The following UNC13C variants were observed in gnomAD, a reference collection of about 807,000 sequenced individuals.
UNC13C encodes the protein unc-13 homolog C, also known as protein unc-13 homolog C.
A neutral mutation model predicts 245.4 loss-of-function variants in UNC13C; 174 were observed. The observed-to-expected ratio is 0.71, with a 90% CI of 0.63 to 0.80. The LOEUF is 0.80. Among genes scored for constraint, UNC13C ranks in the 30% least tolerant of loss-of-function variants. UNC13C has a pLI of 0.00. For missense variants in UNC13C, 2,829 were observed against 2,602.9 expected (o/e 1.09, Z -1.89); for synonymous variants, 992 against 895.1 (o/e 1.11, Z -1.93).
At chr15:54,574,873 T>C (rs980109427) in intron 30 of UNC13C, among the ~76,000 whole-genome samples, 2 of 152,118 alleles carry the variant, frequency 1.3e-5, no homozygotes, top group Non-Finnish European at 2.9e-5. Context: ...TATAATGTAT[T>C]TTAATTTGAG....
chr15:54,569,239 C>G (rs917892282), intron 30 of UNC13C, among the ~76,000 whole-genome samples: 2 of 152,058 alleles, frequency 1.3e-5, no homozygotes, highest in Non-Finnish European at 2.9e-5. Context: ...CATATACAGA[C>G]AGTCATCCCT....
At chr15:54,314,457 A>G (rs1041258351) in intron 13 of UNC13C, among the ~76,000 whole-genome samples, 3 of 148,914 alleles carry the variant, frequency 2.0e-5, no homozygotes, top group African/African-American at 7.4e-5. Context: ...TTTTTTTTAT[A>G]AAGAGAGTGA....
At chr15:54,218,606 G>T (rs2035116008) in intron 4 of UNC13C, among the ~76,000 whole-genome samples, 1 of 151,892 alleles carries the variant, frequency 6.6e-6, no homozygotes, top group African/African-American at 2.4e-5. Flanking sequence ...GGGCAATTAA[G>T]CCTCACTGGG....
intron 2 of UNC13C, among the ~76,000 whole-genome samples, chr15:54,063,187 A>T (rs111766673): frequency 2.0e-5 from 3 of 152,218 alleles, no homozygotes; most frequent in African/African-American, 7.2e-5. Flanking sequence ...GTTAAAGAGT[A>T]TGTGGGAAGA....
intron 2 of UNC13C, among the ~76,000 whole-genome samples, chr15:54,042,975 C>T (rs1001131690): frequency 6.6e-6 from 1 of 151,948 alleles, no homozygotes; most frequent in Admixed American, 6.6e-5. Flanking sequence ...CTTAAGAAGC[C>T]CACTAGATGC....
At chr15:54,362,396 C>A (rs1263532552) in intron 17 of UNC13C, among the ~76,000 whole-genome samples, 9 of 152,206 alleles carry the variant, frequency 5.9e-5, no homozygotes, top group African/African-American at 1.2e-4. Context: ...ATGACTATTT[C>A]TCCTACTGGT....
At chr15:54,529,383 A>T (rs143474880) in intron 25 of UNC13C, among the ~76,000 whole-genome samples, 122 of 152,312 alleles carry the variant, frequency 8.0e-4, no homozygotes, top group African/African-American at 2.9e-3. Context: ...TATATGGAAA[A>T]CCAAATATGG....
chr15:54,172,737 TA>T (rs2033460589), intron 4 of UNC13C, among the ~76,000 whole-genome samples: 1 of 103,676 alleles, frequency 9.6e-6, no homozygotes, highest in Admixed American at 1.0e-4. Flanking sequence ...TATATATATA[TA>T]TATATATATA....
At chr15:53,972,310 C>T in the UNC13C span, among the ~76,000 whole-genome samples, 3 of 152,168 alleles carry the variant, frequency 2.0e-5, no homozygotes, top group Admixed American at 1.3e-4. Flanking sequence ...CTTCTGGGCT[C>T]TACAGAACAT....
chr15:54,331,838 T>G (rs2038444530), intron 14 of UNC13C, among the ~76,000 whole-genome samples: 1 of 152,088 alleles, frequency 6.6e-6, no homozygotes, highest in African/African-American at 2.4e-5. Context: ...GAAGTATGAC[T>G]TATTGAAAAG....
At chr15:54,303,440 CTGA>C (rs2037640087) in intron 13 of UNC13C, among the ~76,000 whole-genome samples, 1 of 151,956 alleles carries the variant, frequency 6.6e-6, no homozygotes, top group Non-Finnish European at 1.5e-5. Context: ...TCTCTGGGAG[CTGA>C]TGTTAGATTC....
intron 19 of UNC13C, among the ~76,000 whole-genome samples, chr15:54,424,398 T>TTTTG (rs2040715373): frequency 6.6e-6 from 1 of 151,732 alleles, no homozygotes; most frequent in Non-Finnish European, 1.5e-5. Context: ...CCATGGTTTT[T>TTTTG]TTTGTTTGTT....
chr15:54,556,395 A>T (rs1897090636), intron 29 of UNC13C, among the ~76,000 whole-genome samples: 1 of 152,058 alleles, frequency 6.6e-6, no homozygotes, highest in African/African-American at 2.4e-5. Flanking sequence ...ACATACTTTC[A>T]CAAAACTGTC....
intron 10 of UNC13C, among the ~76,000 whole-genome samples, chr15:54,292,494 A>G (rs866238968): frequency 1.2e-4 from 19 of 152,100 alleles, no homozygotes; most frequent in African/African-American, 4.6e-4. Flanking sequence ...ATATAGGCCC[A>G]TCAGATTCAA....
chr15:53,994,240 G>A (rs1894518273), intron 1 of UNC13C, among the ~76,000 whole-genome samples: 2 of 132,560 alleles, frequency 1.5e-5, no homozygotes, highest in Admixed American at 1.4e-4. Flanking sequence ...TTCCTTACTG[G>A]CAGCATGTAT....
intron 10 of UNC13C, among the ~76,000 whole-genome samples, chr15:54,279,537 C>T (rs868584657): frequency 1.4e-4 from 22 of 152,298 alleles, no homozygotes; most frequent in African/African-American, 5.3e-4. Flanking sequence ...GATGGAACCA[C>T]AACTTGTTAC....
chr15:54,272,386 C>A (rs2036709905), intron 10 of UNC13C, among the ~76,000 whole-genome samples: 1 of 151,756 alleles, frequency 6.6e-6, no homozygotes, highest in Non-Finnish European at 1.5e-5. Flanking sequence ...GATAGCACAG[C>A]AGACTAATAT....
At chr15:54,209,251 A>G (rs1343348169) in intron 4 of UNC13C, among the ~76,000 whole-genome samples, 1 of 152,142 alleles carries the variant, frequency 6.6e-6, no homozygotes, top group East Asian at 1.9e-4. Flanking sequence ...TTGTATTTGA[A>G]GTTCTGTATT....
upstream of UNC13C, among the ~76,000 whole-genome samples, chr15:53,975,981 G>A (rs866630672): frequency 2.0e-5 from 3 of 152,298 alleles, no homozygotes; most frequent in South Asian, 4.1e-4. Context: ...GAAACAGAAT[G>A]CATCTTACTG....
Sources: allele counts gnomAD v4.1 joint callset (sites outside exome capture counted in the v4.1 genomes callset), GRCh38; gene constraint gnomAD v4.1.1; transcripts MANE v1.5; gene names NCBI Gene and HGNC (gene_info 2026-07-23, HGNC 2026-07-21).